The following DHRSX variants were observed in gnomAD, a reference collection of about 807,000 sequenced individuals.
DHRSX encodes dehydrogenase/reductase X-linked.
DHRSX carries 31 observed loss-of-function variants against 34.0 expected under a neutral mutation model. The ratio of observed to expected loss-of-function variants is 0.91; its 90% CI spans 0.69 to 1.23. The LOEUF is 1.23. Ranked by LOEUF, DHRSX falls within the 50% of genes most tolerant of loss-of-function variation. DHRSX has a pLI of 0.00. For missense variants in DHRSX, 414 were observed against 428.1 expected (o/e 0.97, Z 0.29); for synonymous variants, 201 against 183.8 (o/e 1.09, Z -0.76).
At position 2,243,081 on chromosome X, in the gene DHRSX, T is replaced by C. The variant is rs1190625345; in HGVS notation, c.746A>G (p.Lys249Arg). 12 of 1,613,678 alleles carry C rather than the reference T, an allele frequency of 7.4e-6. No homozygotes were observed. Among genetic ancestry groups the C allele is most frequent in the Non-Finnish European group, 1.0e-5 (12 of 1,179,772 alleles). ...DPGVVNTDVY[K>R]HVFWATRLAK... ...CAGACGGGTGGCCCAGAACACGTGC[T>C]TGTAGACGTCCGTGTTGACCACCCC... The change falls in exon 6 of 7, where the codon AAG (lysine) becomes AGG (arginine). Residue 249 changes from lysine to arginine, a missense_variant. By Grantham distance (26) the Lys-to-Arg change is conservative. Transcript: ENST00000334651.
chrX:2,420,042 A>T lies in DHRSX; in HGVS notation c.217+5155T>A, dbSNP rs573255602. On this transcript the variant is annotated intron_variant, in intron 2 of 6. Transcript: ENST00000334651. ...TACAGCAGCCCAAACACACCAAGAC[A>T]GGAGAGTTAGGGACATGGATGAACT... Among the ~76,000 whole-genome samples, 11 of 152,286 alleles carry T rather than the reference A, an allele frequency of 7.2e-5. 1 individual carries two copies. The highest frequency in any genetic ancestry group is 2.2e-4 in the African/African-American group (9 of 41,560).
intron 3 of DHRSX, among the ~76,000 whole-genome samples, chrX:2,383,084 C>T (rs2043231830): frequency 1.3e-5 from 2 of 149,192 alleles, no homozygotes; most frequent in South Asian, 4.4e-4. Flanking sequence ...GCAGCAGCAG[C>T]ATCACCACCA....
rs993264663 is a variant in DHRSX at position 2,220,806 on chromosome X, C to A, written c.*235G>T. The stretch of plus-strand genomic sequence containing the variant: ...ATTTATGGCACCTGTGACAACTGGG[C>A]ACTTTGGAATCACAAAGTTTATGGT... On this transcript the variant is annotated 3_prime_UTR_variant, in exon 7 of 7. Transcript: ENST00000334651. 2.7e-5 allele frequency: 13 copies of A among 482,890 alleles called. No homozygotes were observed. Among genetic ancestry groups the A allele is most frequent in the Non-Finnish European group, 4.8e-5 (13 of 272,204 alleles). The allele number at this position is 482,890 out of a possible 1,614,324, so 29.9% of individuals were successfully genotyped here.
At chrX:2,310,922 G>C (rs1383641255) in intron 3 of DHRSX, among the ~76,000 whole-genome samples, 1 of 151,912 alleles carries the variant, frequency 6.6e-6, no homozygotes, top group Non-Finnish European at 1.5e-5. Context: ...CTAGCTGAGC[G>C]TGGTGGCGGG....
intron 1 of DHRSX, among the ~76,000 whole-genome samples, chrX:2,471,304 C>T (rs761138772): frequency 2.9e-4 from 44 of 152,320 alleles, no homozygotes; most frequent in African/African-American, 1.0e-3. Flanking sequence ...GGCGCGGTCA[C>T]GCCTGTCATC....
intron 3 of DHRSX, among the ~76,000 whole-genome samples, chrX:2,393,059 A>C (rs1183644128): frequency 3.4e-5 from 5 of 146,928 alleles, no homozygotes; most frequent in African/African-American, 1.2e-4. Context: ...ATATAAATTC[A>C]TATTATGTCA....
At chrX:2,396,162 C>A (rs769687940) in intron 3 of DHRSX, among the ~76,000 whole-genome samples, 23 of 152,074 alleles carry the variant, frequency 1.5e-4, no homozygotes, top group African/African-American at 5.5e-4. Flanking sequence ...TGTGTCTCCT[C>A]TCCTGTCTCC....
intron 4 of DHRSX, among the ~76,000 whole-genome samples, chrX:2,283,669 G>C (rs1251270683): frequency 6.6e-6 from 1 of 152,158 alleles, no homozygotes; most frequent in Non-Finnish European, 1.5e-5. Flanking sequence ...TTCCCCGAAT[G>C]AATCTTCCTT....
At chrX:2,354,633 T>G (rs917484282) in intron 3 of DHRSX, among the ~76,000 whole-genome samples, 8 of 152,200 alleles carry the variant, frequency 5.3e-5, no homozygotes, top group Middle Eastern at 3.4e-3. Context: ...GGCTAACTTT[T>G]GTATTTTTAG....
chrX:2,287,508 C>A (rs184542101), intron 4 of DHRSX, among the ~76,000 whole-genome samples: 14 of 151,806 alleles, frequency 9.2e-5, no homozygotes, highest in African/African-American at 3.1e-4. Context: ...TGTCCACATC[C>A]CAATCCCCAT....
intron 3 of DHRSX, among the ~76,000 whole-genome samples, chrX:2,383,315 A>T (rs1048821012): frequency 4.0e-4 from 60 of 151,522 alleles, no homozygotes; most frequent in Non-Finnish European, 1.2e-4. Context: ...CATAAACACC[A>T]TCATCACCAT....
At chrX:2,249,999 T>C (rs931920368) in intron 5 of DHRSX, among the ~76,000 whole-genome samples, 12 of 151,324 alleles carry the variant, frequency 7.9e-5, no homozygotes, top group Non-Finnish European at 1.0e-4. Context: ...CCGTCTCTAT[T>C]AAAAATACAA....
intron 3 of DHRSX, among the ~76,000 whole-genome samples, chrX:2,353,834 C>G (rs1371757562): frequency 6.6e-6 from 1 of 151,994 alleles, no homozygotes; most frequent in Non-Finnish European, 1.5e-5. Flanking sequence ...ATCCTCCTGC[C>G]TTGGCCTCCC....
chrX:2,434,778 C>A (rs1489739498), intron 1 of DHRSX, among the ~76,000 whole-genome samples: 2 of 152,278 alleles, frequency 1.3e-5, no homozygotes, highest in African/African-American at 4.8e-5. Context: ...CTAAGATATA[C>A]GAGAAAACCA....
chrX:2,397,636 ATT>A (rs34688111), intron 3 of DHRSX, among the ~76,000 whole-genome samples: 7 of 150,354 alleles, frequency 4.7e-5, no homozygotes, highest in African/African-American at 9.8e-5. Context: ...TGACAGAGAC[ATT>A]TTTTTTTTCC....
chrX:2,490,536 T>A, intron 1 of DHRSX: 1 of 1,613,978 alleles, frequency 6.2e-7, no homozygotes, highest in Non-Finnish European at 8.5e-7. Context: ...TAGGACAGGT[T>A]GGAGGTGTTT....
chrX:2,243,332 G>T, intron 5 of DHRSX, 102 bp from the exon 6 acceptor site: 1 of 966,980 alleles, frequency 1.0e-6, no homozygotes, highest in Non-Finnish European at 1.6e-6. Flanking sequence ...ACGTCTATAC[G>T]CAGCCACCTC....
intron 4 of DHRSX, among the ~76,000 whole-genome samples, chrX:2,267,789 T>C (rs2041494821): frequency 6.6e-6 from 1 of 151,770 alleles, no homozygotes; most frequent in African/African-American, 2.4e-5. Context: ...TTACCAAAAA[T>C]ACAAAAAATT....
intron 3 of DHRSX, among the ~76,000 whole-genome samples, chrX:2,345,849 C>A (rs1264669155): frequency 6.6e-6 from 1 of 152,146 alleles, no homozygotes; most frequent in Non-Finnish European, 1.5e-5. Context: ...CCCTGGGTCT[C>A]CAGCTGGCTG....
Sources: allele counts gnomAD v4.1 joint callset (sites outside exome capture counted in the v4.1 genomes callset), GRCh38; gene constraint gnomAD v4.1.1; transcripts MANE v1.5; gene names NCBI Gene and HGNC (gene_info 2026-07-23, HGNC 2026-07-21).